Variants in SEC14L3 observed in about 807,000 individuals in gnomAD.
SEC14L3 encodes SEC14-like protein 3.
In SEC14L3, 56 loss-of-function variants were observed where a neutral mutation model predicts 57.4. The observed-to-expected ratio is 0.97, with a 90% CI of 0.79 to 1.22. The LOEUF (loss-of-function observed/expected upper bound fraction) is 1.22, where lower values mean the gene tolerates loss of function less well. Among genes scored for constraint, SEC14L3 ranks in the 50% most tolerant of loss-of-function variants. The pLI is 0.00. For missense variants in SEC14L3, 485 were observed against 511.7 expected, an observed-to-expected ratio of 0.95 and a Z score of 0.50; for synonymous variants, 173 against 194.4, an observed-to-expected ratio of 0.89 and a Z score of 0.92.
At position 30,459,927 on chromosome 22, in the gene SEC14L3, G is replaced by A. The variant is rs1339799626; in HGVS notation, c.*94C>T. 4 of 1,528,388 alleles carry A rather than the reference G, an allele frequency of 2.6e-6. No homozygotes were observed. Among genetic ancestry groups the A allele is most frequent in the Admixed American group, 2.0e-5 (1 of 50,700 alleles). 94.7% of individuals were successfully genotyped at this position (1,528,388 alleles called of 1,614,324 possible). A position where few individuals can be genotyped will look rare whatever the true frequency, so the allele number is the denominator to read the frequency against. ...GTACTCACTAACGTCACAGAGTCAG[G>A]AGGACTAACAATCAATTTCAGGGAG... On this transcript the variant is annotated 3_prime_UTR_variant, in exon 12 of 12. Coordinates refer to ENST00000215812, the MANE Select transcript of SEC14L3 (RefSeq NM_174975.5).
intron 11 of SEC14L3, among the ~76,000 whole-genome samples, chr22:30,460,828 CAAAAAAAA>C (rs747778887): frequency 1.9e-5 from 2 of 104,424 alleles, no homozygotes. Context: ...AACTCTGTCT[CAAAAAAAA>C]AAAAAAAAAA....
intron 12 of SEC14L3, among the ~76,000 whole-genome samples, chr22:30,451,885 G>T (rs1053179693): frequency 2.0e-5 from 3 of 151,356 alleles, no homozygotes; most frequent in Non-Finnish European, 4.4e-5. Flanking sequence ...CCAGCTACTC[G>T]GGAGGCTGAG....
intron 8 of SEC14L3, 123 bp from the exon 9 acceptor site, chr22:30,462,315 T>C: frequency 5.0e-6 from 7 of 1,402,734 alleles, no homozygotes; most frequent in African/African-American, 1.4e-5. Flanking sequence ...CCAGGACCAA[T>C]TCCCCAGTGT....
chr22:30,464,852 T>C lies in SEC14L3; in HGVS notation c.632A>G (p.Glu211Gly), dbSNP rs762348459. 2.0e-5 allele frequency: 32 copies of C among 1,613,982 alleles called. No homozygotes were observed. In the South Asian group the frequency reaches 3.2e-4, roughly 16 times the overall value. Residue 211 changes from glutamate (E) to glycine (G), a missense_variant, in exon 8 of 12, where the codon GAG becomes GGG. Glu to Gly is a moderately conservative substitution (Grantham distance 98). Coordinates refer to ENST00000215812, the MANE Select transcript of SEC14L3 (RefSeq NM_174975.5). ...GYNLMKPFLS[E>G]DTRRKIIVLG... is the part of the protein sequence containing the mutation. ...CACAATAATTTTCCTGCGAGTGTCC[T>C]CACTCAGGAATGGCTTCATGAGGTT...
At chr22:30,471,576 C>A (rs1177329448) in intron 1 of SEC14L3, among the ~76,000 whole-genome samples, 1 of 152,174 alleles carries the variant, frequency 6.6e-6, no homozygotes, top group Non-Finnish European at 1.5e-5. Context: ...CAGCTCCTAC[C>A]TATGGTGCCT....
chr22:30,459,995 A>C lies in SEC14L3; in HGVS notation c.*26T>G, dbSNP rs778806985. On this transcript the variant is annotated 3_prime_UTR_variant, in exon 12 of 12. Coordinates refer to ENST00000215812, the MANE Select transcript of SEC14L3 (RefSeq NM_174975.5). ...TAAACAGAGAAATCAAAGGGTTAGGAGGTCTCTGAGAAATGAGGGAGCCAC... is the reference window on the plus strand; with the variant it reads ...TAAACAGAGAAATCAAAGGGTTAGGCGGTCTCTGAGAAATGAGGGAGCCAC... 1.2e-6 allele frequency: 2 copies of C among 1,612,508 alleles called. No homozygotes were observed. Among genetic ancestry groups the C allele is most frequent in the Non-Finnish European group, 1.7e-6 (2 of 1,179,016 alleles).
intron 12 of SEC14L3, among the ~76,000 whole-genome samples, chr22:30,453,573 C>A (rs977191337): frequency 3.2e-4 from 49 of 152,184 alleles, no homozygotes; most frequent in Non-Finnish European, 1.5e-5. Context: ...CCACCACGCC[C>A]AGCTAATTCT....
intron 12 of SEC14L3, among the ~76,000 whole-genome samples, chr22:30,450,344 C>A (rs1934957459): frequency 6.6e-6 from 1 of 151,990 alleles, no homozygotes; most frequent in Non-Finnish European, 1.5e-5. Context: ...CTCTCTCTGT[C>A]CCCCAGGCTG....
At chr22:30,454,742 ATATTAT>A (rs1193150338), downstream of SEC14L3, among the ~76,000 whole-genome samples, 1 of 69,608 alleles carries the variant, frequency 1.4e-5, no homozygotes, top group African/African-American at 6.0e-5. Context: ...ATATATAATA[ATATTAT>A]TATATATAAT....
chr22:30,449,345 T>C, intron 12 of SEC14L3: 2 of 1,441,328 alleles, frequency 1.4e-6, no homozygotes, highest in Non-Finnish European at 1.9e-6. Flanking sequence ...GCTAAGTTAG[T>C]GTTTTATAAA....
chr22:30,467,297 AC>A (rs1935451701), intron 5 of SEC14L3: 1 of 185,442 alleles, frequency 5.4e-6, no homozygotes, highest in Non-Finnish European at 1.0e-5. Flanking sequence ...CCAACCATCC[AC>A]CCACCCACCC....
exon 13 of SEC14L3, chr22:30,448,120 G>A (rs1489246419): frequency 6.6e-6 from 1 of 152,108 alleles, no homozygotes; most frequent in Non-Finnish European, 1.5e-5. Flanking sequence ...TGTGCACCTG[G>A]TAAGGCCGCT....
rs540588883 is a variant in SEC14L3 at position 30,471,339 on chromosome 22, T to C, written c.54+566A>G. On this transcript the variant is annotated intron_variant, in intron 1 of 11. Coordinates refer to ENST00000215812, the MANE Select transcript of SEC14L3 (RefSeq NM_174975.5). ...ATAATTGGGTGGATGAATAAGTGGA[T>C]TGGAGTTTGGATGCATTCTTAGTTC... 8.9e-4 allele frequency: 399 copies of C among 450,438 alleles called. 6 individuals carry two copies. Among genetic ancestry groups the C allele is most frequent in the South Asian group, 6.1e-3 (389 of 63,314 alleles). 27.9% of individuals were successfully genotyped at this position (450,438 alleles called of 1,614,324 possible). A position where few individuals can be genotyped will look rare whatever the true frequency, so the allele number is the denominator to read the frequency against.
At chr22:30,460,236 C>T (rs1935210767) in intron 11 of SEC14L3, 94 bp from the exon 12 acceptor site, 1 of 1,529,400 alleles carries the variant, frequency 6.5e-7, no homozygotes, top group Admixed American at 1.9e-5. Flanking sequence ...TGTGTTCCCA[C>T]TGGCTTTGTT....
intron 12 of SEC14L3, among the ~76,000 whole-genome samples, chr22:30,451,278 G>C (rs1031986540): frequency 1.3e-5 from 2 of 152,168 alleles, no homozygotes; most frequent in African/African-American, 2.4e-5. Flanking sequence ...AGTTGGGGCA[G>C]GGGAGCGTGA....
chr22:30,468,832 T>G, intron 4 of SEC14L3, 136 bp from the exon 5 acceptor site: 1 of 1,565,928 alleles, frequency 6.4e-7, no homozygotes, highest in African/African-American at 1.4e-5. Context: ...ACAGTGCTAT[T>G]GTCTCAGGTG....
chr22:30,460,341 TG>T, intron 11 of SEC14L3, 199 bp from the exon 12 acceptor site: 1 of 905,970 alleles, frequency 1.1e-6, no homozygotes, highest in Non-Finnish European at 1.3e-6. Flanking sequence ...AACCTCCTCT[TG>T]GCATGTGCCC....
At chr22:30,455,025 A>T (rs1460732311), downstream of SEC14L3, among the ~76,000 whole-genome samples, 1 of 78,108 alleles carries the variant, frequency 1.3e-5, no homozygotes, top group Non-Finnish European at 2.2e-5. Flanking sequence ...TATTATATAT[A>T]ATATATTATA....
intron 7 of SEC14L3, 109 bp from the exon 8 acceptor site, chr22:30,465,012 A>G: frequency 6.6e-7 from 1 of 1,524,264 alleles, no homozygotes; most frequent in Admixed American, 1.9e-5. Context: ...ACCCTGGTCA[A>G]TTCCAGTGTC....
Sources: gnomAD v4.1 joint callset for allele counts (sites outside exome capture counted in the v4.1 genomes callset) on GRCh38, gnomAD v4.1.1 for gene constraint, MANE v1.5 for transcripts, NCBI Gene and HGNC (gene_info 2026-07-23, HGNC 2026-07-21) for gene names.